The following RTTN variants were observed in gnomAD, a reference collection of about 807,000 sequenced individuals.
RTTN encodes the protein rotatin.
Under a neutral mutation model 269.2 loss-of-function variants are expected in RTTN, and 182 were observed. The observed-to-expected ratio is 0.68, with a 90% CI of 0.60 to 0.76. RTTN has a LOEUF of 0.76. Ranked by LOEUF, RTTN falls within the 30% of genes least tolerant of loss-of-function variation. The probability of loss-of-function intolerance (pLI) is 0.00; values close to 1 mark genes in which losing one functional copy is unlikely to be tolerated. For synonymous variants in RTTN, 1,006 were observed against 963.5 expected (o/e 1.04, Z -0.82); for missense variants, 2,545 against 2,608.6 (o/e 0.98, Z 0.53).
intron 28 of RTTN, among the ~76,000 whole-genome samples, chr18:70,100,996 T>C (rs543577695): frequency 6.6e-6 from 1 of 152,300 alleles, no homozygotes; most frequent in South Asian, 2.1e-4. Flanking sequence ...TTATTGAGGA[T>C]TTTTGCACTG....
chr18:70,173,449 C>T (rs369163185), intron 11 of RTTN, among the ~76,000 whole-genome samples: 111 of 145,608 alleles, frequency 7.6e-4, no homozygotes, highest in Admixed American at 2.4e-3. Flanking sequence ...GCGGAGATCA[C>T]GCCACTGAAC....
intron 18 of RTTN, 24 bp from the exon 19 acceptor site, chr18:70,142,411 A>T (rs11665653): frequency 9.8e-7 from 1 of 1,015,248 alleles, no homozygotes; most frequent in South Asian, 1.4e-5. Context: ...AAAAAAAAAA[A>T]CCAAAATTAC....
chr18:70,089,501 TAC>T (rs1451653521), intron 30 of RTTN, among the ~76,000 whole-genome samples: 1 of 152,178 alleles, frequency 6.6e-6, no homozygotes, highest in Non-Finnish European at 1.5e-5. Context: ...AGCACACTAA[TAC>T]AGATTTTTGT....
At chr18:70,145,054 C>T (rs1043726963) in intron 18 of RTTN, among the ~76,000 whole-genome samples, 1 of 152,182 alleles carries the variant, frequency 6.6e-6, no homozygotes, top group Non-Finnish European at 1.5e-5. Flanking sequence ...ACCATCTGAG[C>T]TCCACCTCCT....
chr18:70,127,669 C>A lies in RTTN; in HGVS notation c.3216G>T (p.Leu1072=), dbSNP rs369222015. The change falls in exon 25 of 49, where the codon CTG becomes CTT. Residue 1072 remains leucine, a synonymous_variant. Transcript: ENST00000640769. ...TLKITHMASG[L]QDCLHSIVQA... ...GAACAATGGAATGGAGGCAGTCCTG[C>A]AGCCCACTAGCCATGTGTGTTATCT... 1 of 1,613,458 alleles carries A rather than the reference C, an allele frequency of 6.2e-7. No homozygotes were observed. The highest frequency in any genetic ancestry group is 1.7e-5 in the Admixed American group (1 of 59,872).
chr18:70,080,709 A>C (rs2058541990), intron 32 of RTTN, among the ~76,000 whole-genome samples: 1 of 152,200 alleles, frequency 6.6e-6, no homozygotes, highest in Non-Finnish European at 1.5e-5. Flanking sequence ...ATTTAAAACT[A>C]GGAAAACAGT....
At chr18:70,032,479 T>C (rs1011284009) in intron 40 of RTTN, among the ~76,000 whole-genome samples, 6 of 151,930 alleles carry the variant, frequency 3.9e-5, no homozygotes, top group African/African-American at 1.5e-4. Flanking sequence ...AATAAAGGGA[T>C]GGAAAAAGGC....
At chr18:70,131,132 A>G (rs1011803327) in intron 23 of RTTN, 4 of 86,818 alleles carry the variant, frequency 4.6e-5, no homozygotes, top group Non-Finnish European at 9.5e-5. Context: ...TTAAAACAGA[A>G]AGAATTTTTA....
chr18:70,179,434 C>T (rs899647949), intron 10 of RTTN, among the ~76,000 whole-genome samples: 1 of 152,150 alleles, frequency 6.6e-6, no homozygotes, highest in Non-Finnish European at 1.5e-5. Flanking sequence ...ATGAGTTTTA[C>T]AGTTCTATTT....
At chr18:70,041,152 G>A (rs1465998509) in intron 40 of RTTN, among the ~76,000 whole-genome samples, 1 of 151,998 alleles carries the variant, frequency 6.6e-6, no homozygotes, top group Non-Finnish European at 1.5e-5. Context: ...AGGTTGCAGT[G>A]AGCTGAGATC....
At chr18:70,076,064 C>G (rs574537430) in intron 32 of RTTN, among the ~76,000 whole-genome samples, 154 of 152,104 alleles carry the variant, frequency 1.0e-3, no homozygotes, top group Middle Eastern at 6.8e-3. Context: ...AAAAAACACA[C>G]ACATGTATAC....
At chr18:70,015,545 T>C (rs760049539) in intron 46 of RTTN, among the ~76,000 whole-genome samples, 14 of 152,100 alleles carry the variant, frequency 9.2e-5, no homozygotes, top group Non-Finnish European at 1.0e-4. Flanking sequence ...GGCTGTGACA[T>C]CCCTTTATAG....
chr18:70,187,855 G>A (rs1038656464), intron 10 of RTTN, among the ~76,000 whole-genome samples: 3 of 152,136 alleles, frequency 2.0e-5, no homozygotes, highest in African/African-American at 7.2e-5. Flanking sequence ...TGAAAGAAAA[G>A]AATGATATCA....
intron 14 of RTTN, among the ~76,000 whole-genome samples, chr18:70,156,337 T>G (rs903283324): frequency 6.6e-6 from 1 of 152,164 alleles, no homozygotes; most frequent in Non-Finnish European, 1.5e-5. Flanking sequence ...CAGTCTCCCA[T>G]AGCGCTCCCA....
At chr18:70,167,933 C>T (rs182794392) in intron 12 of RTTN, among the ~76,000 whole-genome samples, 13 of 151,864 alleles carry the variant, frequency 8.6e-5, no homozygotes, top group Non-Finnish European at 1.5e-4. Flanking sequence ...GACAGCTTGA[C>T]GCCAGGAGTT....
intron 40 of RTTN, among the ~76,000 whole-genome samples, chr18:70,045,281 T>C (rs1257009534): frequency 6.6e-6 from 1 of 152,188 alleles, no homozygotes; most frequent in Non-Finnish European, 1.5e-5. Flanking sequence ...AGCTGAAACT[T>C]AGTAATAATG....
At chr18:70,160,127 CA>C (rs568769742) in intron 14 of RTTN, among the ~76,000 whole-genome samples, 4 of 151,612 alleles carry the variant, frequency 2.6e-5, no homozygotes, top group African/African-American at 9.7e-5. Flanking sequence ...AGAGACACAA[CA>C]AAAAAAGAAA....
At chr18:70,063,042 TAATTACAAAC>T (rs1285214850) in intron 35 of RTTN, among the ~76,000 whole-genome samples, 2 of 152,248 alleles carry the variant, frequency 1.3e-5, no homozygotes, top group Admixed American at 6.5e-5. Flanking sequence ...CCATGTTTTA[TAATTACAAAC>T]AATGCTTGCT....
intron 5 of RTTN, among the ~76,000 whole-genome samples, chr18:70,198,834 G>C (rs1349348511): frequency 6.6e-6 from 1 of 152,070 alleles, no homozygotes; most frequent in African/African-American, 2.4e-5. Context: ...GCCAATAAGA[G>C]AATCTGGCCA....
Sources: gnomAD v4.1 joint callset for allele counts (sites outside exome capture counted in the v4.1 genomes callset) on GRCh38, gnomAD v4.1.1 for gene constraint, MANE v1.5 for transcripts, NCBI Gene and HGNC (gene_info 2026-07-23, HGNC 2026-07-21) for gene names.